ENAH: variants seen among roughly 807,000 people sequenced by gnomAD.
ENAH encodes protein enabled homolog.
Under a neutral mutation model 78.7 loss-of-function variants are expected in ENAH, and 23 were observed. That is an observed-to-expected ratio of 0.29 (90% CI 0.21 to 0.41). The LOEUF (loss-of-function observed/expected upper bound fraction) is 0.41. Among genes scored for constraint, ENAH ranks in the 10% least tolerant of loss-of-function variants. The probability of loss-of-function intolerance (pLI) is 1.00; values close to 1 mark genes in which losing one functional copy is unlikely to be tolerated. For missense variants in ENAH, 544 were observed against 691.0 expected (o/e 0.79, Z 2.39); for synonymous variants, 226 against 241.0 (o/e 0.94, Z 0.58).
At chr1:225,628,867 T>C (rs1020308618) in intron 1 of ENAH, among the ~76,000 whole-genome samples, 11 of 147,252 alleles carry the variant, frequency 7.5e-5, no homozygotes, top group Non-Finnish European at 1.2e-4. Context: ...GATCGCGTCA[T>C]TGCACTCCAA....
At chr1:225,502,783 A>G (rs2096290963) in intron 11 of ENAH, among the ~76,000 whole-genome samples, 1 of 152,218 alleles carries the variant, frequency 6.6e-6, no homozygotes, top group African/African-American at 2.4e-5. Flanking sequence ...CATAAAATGC[A>G]GAGTCACTTC....
At chr1:225,652,598 G>C (rs888314821) in intron 1 of ENAH, 88 bp downstream of exon 1, 22 of 1,201,294 alleles carry the variant, frequency 1.8e-5, no homozygotes, top group Non-Finnish European at 2.3e-5. Flanking sequence ...GCCGGGCCGG[G>C]AGAGGGAAGG....
At chr1:225,528,657 A>G (rs1240462581) in intron 4 of ENAH, among the ~76,000 whole-genome samples, 1 of 152,190 alleles carries the variant, frequency 6.6e-6, no homozygotes, top group Non-Finnish European at 1.5e-5. Context: ...GGTGGTGGTC[A>G]TTAGTAGGGC....
intron 1 of ENAH, among the ~76,000 whole-genome samples, chr1:225,626,686 A>G (rs1297067422): frequency 6.6e-6 from 1 of 152,278 alleles, no homozygotes; most frequent in Non-Finnish European, 1.5e-5. Flanking sequence ...CAGCAAGAAC[A>G]GACTACAACA....
chr1:225,552,693 A>C (rs1244345575), intron 3 of ENAH, among the ~76,000 whole-genome samples: 3 of 152,080 alleles, frequency 2.0e-5, no homozygotes, highest in Non-Finnish European at 4.4e-5. Flanking sequence ...TTCCACCATT[A>C]TCTCTCTTTC....
chr1:225,544,125 A>G (rs1419442597), intron 3 of ENAH, among the ~76,000 whole-genome samples: 1 of 152,240 alleles, frequency 6.6e-6, no homozygotes, highest in Non-Finnish European at 1.5e-5. Context: ...AGTGGAAAAC[A>G]AGACAGACTA....
At chr1:225,532,074 A>G (rs1314842779) in intron 3 of ENAH, among the ~76,000 whole-genome samples, 1 of 152,110 alleles carries the variant, frequency 6.6e-6, no homozygotes, top group South Asian at 2.1e-4. Flanking sequence ...ACACACGTAA[A>G]TGTTTGTATA....
chr1:225,586,432 C>T (rs921230497), intron 1 of ENAH, among the ~76,000 whole-genome samples: 3 of 151,870 alleles, frequency 2.0e-5, no homozygotes, highest in Admixed American at 6.6e-5. Flanking sequence ...GAAAAAACAG[C>T]CCTGATATTA....
intron 1 of ENAH, among the ~76,000 whole-genome samples, chr1:225,608,847 G>A (rs929931309): frequency 7.1e-6 from 1 of 140,254 alleles, no homozygotes; most frequent in Non-Finnish European, 1.5e-5. Flanking sequence ...AAAAAGGAGG[G>A]GGGTCTTGGA....
chr1:225,599,796 TA>T (rs34052384), intron 1 of ENAH, among the ~76,000 whole-genome samples: 1,146 of 82,970 alleles, frequency 0.014, 10 homozygotes, highest in East Asian at 0.049. Flanking sequence ...GACTCCGTCT[TA>T]AAAAAAAAAA....
chr1:225,493,244 C>G lies in ENAH; in HGVS notation c.*4531G>C, dbSNP rs1187107253. 1 of 152,130 alleles carries G rather than the reference C, an allele frequency of 6.6e-6. No individual in the cohort carries two copies. 9.4% of individuals were successfully genotyped at this position (152,130 alleles called of 1,614,324 possible). A position where few individuals can be genotyped will look rare whatever the true frequency, so the allele number is the denominator to read the frequency against. On this transcript the variant is annotated 3_prime_UTR_variant, in exon 14 of 14. Coordinates refer to ENST00000366843, the MANE Select transcript of ENAH (RefSeq NM_018212.6). ...GTTGGGAACAGAAAAACCTGCATCA[C>G]AGACCTCCAACAGTTCTTGGCTTCT...
chr1:225,530,691 C>G (rs1203091174), intron 3 of ENAH, 53 bp from the exon 4 acceptor site: 2 of 1,326,452 alleles, frequency 1.5e-6, no homozygotes, highest in African/African-American at 2.9e-5. Context: ...TCTAGCTGGA[C>G]AGAGGAGATA....
intron 1 of ENAH, among the ~76,000 whole-genome samples, chr1:225,650,421 T>C (rs911385248): frequency 2.0e-5 from 3 of 152,246 alleles, no homozygotes; most frequent in Non-Finnish European, 4.4e-5. Context: ...AATTTTCAAG[T>C]GAAGACATAA....
chr1:225,565,144 T>C (rs2096728182), intron 2 of ENAH, among the ~76,000 whole-genome samples: 1 of 152,196 alleles, frequency 6.6e-6, no homozygotes, highest in South Asian at 2.1e-4. Context: ...CTAGCTTAAA[T>C]TTCTTTCCGA....
At chr1:225,615,300 C>T (rs989779725) in intron 1 of ENAH, among the ~76,000 whole-genome samples, 9 of 152,262 alleles carry the variant, frequency 5.9e-5, no homozygotes, top group African/African-American at 2.2e-4. Context: ...CTGCCTCGGC[C>T]TCCCGAGGTG....
At chr1:225,622,727 C>T (rs1657214852) in intron 1 of ENAH, among the ~76,000 whole-genome samples, 1 of 151,482 alleles carries the variant, frequency 6.6e-6, no homozygotes, top group African/African-American at 2.4e-5. Context: ...AATACCATCA[C>T]CTTGGGGGTA....
At chr1:225,583,352 C>T (rs909833747) in intron 1 of ENAH, among the ~76,000 whole-genome samples, 2 of 147,692 alleles carry the variant, frequency 1.4e-5, no homozygotes, top group Non-Finnish European at 3.0e-5. Flanking sequence ...GGGAGAATTG[C>T]TTGAACCAGG....
intron 1 of ENAH, among the ~76,000 whole-genome samples, chr1:225,611,053 G>C (rs2096985745): frequency 6.6e-6 from 1 of 152,154 alleles, no homozygotes; most frequent in Non-Finnish European, 1.5e-5. Context: ...CGCTGTTCTG[G>C]GTCAGGTGGG....
intron 10 of ENAH, 78 bp downstream of exon 10, chr1:225,511,732 GA>G: frequency 9.6e-7 from 1 of 1,038,490 alleles, no homozygotes; most frequent in Non-Finnish European, 1.4e-6. Flanking sequence ...CAAATATGGG[GA>G]AAGGGGGAAT....
Sources: gnomAD v4.1 joint callset for allele counts (sites outside exome capture counted in the v4.1 genomes callset) on GRCh38, gnomAD v4.1.1 for gene constraint, MANE v1.5 for transcripts, NCBI Gene and HGNC (gene_info 2026-07-23, HGNC 2026-07-21) for gene names.